Variants in PRODH2 observed in about 807,000 individuals in gnomAD.
The protein encoded by PRODH2 is hydroxyproline dehydrogenase.
A neutral mutation model predicts 51.9 loss-of-function variants in PRODH2; 49 were observed. The observed-to-expected ratio is 0.94, with a 90% CI of 0.75 to 1.20. The LOEUF (loss-of-function observed/expected upper bound fraction) is 1.20, where lower values mean the gene tolerates loss of function less well. PRODH2 is among the 50% of genes most tolerant of loss of function. The probability of loss-of-function intolerance (pLI) is 0.00; values close to 1 mark genes in which losing one functional copy is unlikely to be tolerated. For missense variants in PRODH2, 597 were observed against 610.9 expected (o/e 0.98, Z 0.24); for synonymous variants, 249 against 260.7 (o/e 0.96, Z 0.43).
intron 7 of PRODH2, among the ~76,000 whole-genome samples, chr19:35,806,214 T>C (rs1006365196): frequency 1.3e-5 from 2 of 152,058 alleles, no homozygotes; most frequent in Non-Finnish European, 2.9e-5. Context: ...GCCTCCTAAG[T>C]GGCTGGAACC....
At chr19:35,810,324 A>T (rs1049753336) in intron 4 of PRODH2, among the ~76,000 whole-genome samples, 2 of 150,942 alleles carry the variant, frequency 1.3e-5, no homozygotes, top group African/African-American at 2.4e-5. Context: ...AATTACAAAT[A>T]AAAAAAGGTT....
intron 8 of PRODH2, among the ~76,000 whole-genome samples, chr19:35,802,663 G>A (rs532120790): frequency 3.3e-5 from 5 of 152,170 alleles, no homozygotes; most frequent in Non-Finnish European, 7.4e-5. Flanking sequence ...TTGGGCTCAA[G>A]TGATCCTTCC....
At chr19:35,812,588 G>A in intron 1 of PRODH2, 32 bp from the exon 2 acceptor site, 8 of 1,606,226 alleles carry the variant, frequency 5.0e-6, no homozygotes, top group Non-Finnish European at 6.8e-6. Context: ...CTCAGCGCCA[G>A]GCTATGAGGA....
intron 7 of PRODH2, among the ~76,000 whole-genome samples, 166 bp from the exon 8 acceptor site, chr19:35,803,244 G>A (rs948166297): frequency 1.2e-4 from 18 of 151,956 alleles, no homozygotes; most frequent in African/African-American, 4.1e-4. Flanking sequence ...CATCTTCTGG[G>A]GTTTTTTGGG....
At chr19:35,810,269 T>TAAA (rs768070843) in intron 4 of PRODH2, among the ~76,000 whole-genome samples, 63 of 140,636 alleles carry the variant, frequency 4.5e-4, no homozygotes, top group African/African-American at 1.5e-3. Flanking sequence ...AAAATAATAA[T>TAAA]AATAATAATA....
In PRODH2 at chr19:35,811,973, C is replaced by A; in HGVS notation, c.586G>T (p.Asp196Tyr). 7 of 1,614,090 alleles carry A rather than the reference C, an allele frequency of 4.3e-6. No homozygotes were observed. Among genetic ancestry groups the A allele is most frequent in the Non-Finnish European group, 5.9e-6 (7 of 1,179,950 alleles). Residue 196 changes from aspartate to tyrosine, a missense_variant, in exon 4 of 10, where the codon GAC becomes TAC. Transcript: ENST00000653904. Reference protein sequence around the residue: ...LSPERLAEAMDSGQNLQVSCL... With the variant: ...LSPERLAEAMYSGQNLQVSCL... ...CTTGAGATCCTTACCTGCCCAGAGTCCATAGCTTCAGCCAGCCTCTCGGGG... is the reference window on the plus strand; with the variant it reads ...CTTGAGATCCTTACCTGCCCAGAGTACATAGCTTCAGCCAGCCTCTCGGGG...
At chr19:35,803,628 G>A (rs893048271) in intron 7 of PRODH2, among the ~76,000 whole-genome samples, 7 of 152,222 alleles carry the variant, frequency 4.6e-5, no homozygotes, top group Admixed American at 3.9e-4. Flanking sequence ...AGGGGGATAT[G>A]AAGTCTTTGG....
intron 8 of PRODH2, 198 bp from the exon 9 acceptor site, chr19:35,802,474 C>A: frequency 1.6e-6 from 1 of 609,800 alleles, no homozygotes. Flanking sequence ...GCCCTCAGAC[C>A]TCCTCATGCC....
chr19:35,806,165 A>G (rs933590410), intron 7 of PRODH2, among the ~76,000 whole-genome samples: 3 of 152,020 alleles, frequency 2.0e-5, no homozygotes, highest in African/African-American at 7.3e-5. Flanking sequence ...GGCTCACTGC[A>G]GCCTTGAACT....
intron 4 of PRODH2, among the ~76,000 whole-genome samples, chr19:35,810,059 G>A (rs1219352642): frequency 6.8e-6 from 1 of 148,050 alleles, no homozygotes; most frequent in Non-Finnish European, 1.5e-5. Context: ...CCTGGGGTCA[G>A]GAGTTCAAGA....
Position 35,812,343 on chromosome 19 carries a change from C to T in PRODH2, c.371+17G>A. ...CTGCGTCCTCCCAGCCTCCCTGGGC[C>T]CTGGCTCCCTACTCACCCACTCTTG... On this transcript the variant is annotated intron_variant, in intron 2 of 9. Transcript: ENST00000653904. 1 of 1,610,490 alleles carries T rather than the reference C, an allele frequency of 6.2e-7. No homozygotes were observed. Among genetic ancestry groups the T allele is most frequent in the Non-Finnish European group, 8.5e-7 (1 of 1,177,268 alleles).
rs199648657 is a variant in PRODH2, at chr19:35,806,603, G to C, written c.835-7C>G. 5.9e-5 allele frequency: 95 copies of C among 1,614,074 alleles called. No individual in the cohort carries two copies. Among genetic ancestry groups the C allele is most frequent in the Admixed American group, 8.3e-5 (5 of 60,016 alleles). On this transcript the variant is annotated splice_region_variant and splice_polypyrimidine_tract_variant and intron_variant, in intron 6 of 9. Coordinates refer to ENST00000653904, the MANE Select transcript of PRODH2 (RefSeq NM_021232.2). ...CCAGCCGCTCGAATGTGTCCTATAG[G>C]GCACGCAGGCAGGTTCTGGTAGGTC...
At position 35,799,997 on chromosome 19, in the gene PRODH2, A is replaced by C. The variant is rs995427369; in HGVS notation, c.*41T>G. The C allele has an allele frequency of 6.4e-7, 1 of 1,562,998 alleles. No homozygotes were observed. Among genetic ancestry groups the C allele is most frequent in the Non-Finnish European group, 8.7e-7 (1 of 1,150,962 alleles). ...AGTGCAGGACAGCAGCTTAGGCAGCACCTAAGGACTTTTATTGACCACATG... is the reference window on the plus strand; with the variant it reads ...AGTGCAGGACAGCAGCTTAGGCAGCCCCTAAGGACTTTTATTGACCACATG... On this transcript the variant is annotated 3_prime_UTR_variant, in exon 10 of 10. Transcript: ENST00000653904.
Position 35,812,539 on chromosome 19 carries a change from C to T in PRODH2, c.192G>A (p.Arg64=). The change falls in exon 2 of 10, where the codon CGG becomes CGA. Residue 64 remains arginine (R), a synonymous_variant. Coordinates refer to ENST00000653904, the MANE Select transcript of PRODH2 (RefSeq NM_021232.2). ...THGLLLQAWS[R]RLLGSRLSGA... ...CTGAGAGCCGGGAGCCCAGGAGTCG[C>T]CGAGACCAGGCCTGGAGCTGGGTGA... 6.2e-7 allele frequency: 1 copy of T among 1,613,968 alleles called. No individual in the cohort carries two copies. Among genetic ancestry groups the T allele is most frequent in the Non-Finnish European group, 8.5e-7 (1 of 1,179,898 alleles).
rs537324254 is a variant in PRODH2 at position 35,808,408 on chromosome 19, C to G, written c.598-1287G>C. Among the ~76,000 whole-genome samples the G allele has an allele frequency of 4.6e-5, 7 of 152,274 alleles. No homozygotes were observed. The South Asian group carries it at 1.5e-3, about 32-fold the overall frequency. ...CCTGGGCTTGCTCATGGAATCCCAC[C>G]TGGAGGCAGGTTGGGCTGGAAGCTG... On this transcript the variant is annotated intron_variant, in intron 4 of 9. Coordinates refer to ENST00000653904, the MANE Select transcript of PRODH2 (RefSeq NM_021232.2).
At chr19:35,804,007 C>T (rs1450069134) in intron 7 of PRODH2, among the ~76,000 whole-genome samples, 1 of 152,202 alleles carries the variant, frequency 6.6e-6, no homozygotes, top group East Asian at 1.9e-4. Context: ...TTTTGCCCCA[C>T]ATCCCCCATG....
In PRODH2 at chr19:35,812,625, T is replaced by C. The variant is rs200952143; in HGVS notation, c.174+7A>G. The C allele has an allele frequency of 1.8e-5, 28 of 1,594,480 alleles. No homozygotes were observed. Among genetic ancestry groups the C allele is most frequent in the Non-Finnish European group, 2.1e-5 (25 of 1,167,724 alleles). On this transcript the variant is annotated splice_region_variant and intron_variant, in intron 1 of 9. Coordinates refer to ENST00000653904, the MANE Select transcript of PRODH2 (RefSeq NM_021232.2). ...CCTCCAGGCTGGTCCTCAGGATCAC[T>C]GCTCACCAACAGCCCGTGAGTGACG...
chr19:35,808,353 A>G (rs1972545740), intron 4 of PRODH2, among the ~76,000 whole-genome samples: 1 of 152,178 alleles, frequency 6.6e-6, no homozygotes. Flanking sequence ...GCTTTATTAT[A>G]TCCAACAGGG....
chr19:35,802,168 G>C, intron 9 of PRODH2, 23 bp downstream of exon 9: 1 of 1,609,200 alleles, frequency 6.2e-7, no homozygotes, highest in Non-Finnish European at 8.5e-7. Flanking sequence ...GGCTTGATGG[G>C]GGTGGGGGAG....
Sources: gnomAD v4.1 joint callset for allele counts (sites outside exome capture counted in the v4.1 genomes callset) on GRCh38, gnomAD v4.1.1 for gene constraint, MANE v1.5 for transcripts, NCBI Gene and HGNC (gene_info 2026-07-23, HGNC 2026-07-21) for gene names.